Variants in RBFOX1 observed in about 807,000 individuals in gnomAD.
RBFOX1 encodes the protein RNA binding protein fox-1 homolog 1.
In RBFOX1, 8 loss-of-function variants were observed where a neutral mutation model predicts 57.7. That is an observed-to-expected ratio of 0.14 (90% confidence interval 0.08 to 0.25). The LOEUF is 0.25. Among genes scored for constraint, RBFOX1 ranks in the 10% least tolerant of loss-of-function variants. The pLI, the probability that RBFOX1 is intolerant of heterozygous loss-of-function variation, is 1.00. For missense variants in RBFOX1, 611 were observed against 548.5 expected, an observed-to-expected ratio of 1.11 and a Z score of -1.14; for synonymous variants, 326 against 222.4, an observed-to-expected ratio of 1.47 and a Z score of -4.15.
At chr16:5,840,980 T>C (rs564908787) in intron 3 of RBFOX1, among the ~76,000 whole-genome samples, 1 of 152,206 alleles carries the variant, frequency 6.6e-6, no homozygotes, top group Admixed American at 6.5e-5. Flanking sequence ...CTCCCAATAC[T>C]CCTACAACAG....
At chr16:6,134,695 TG>T (rs2096653694) in intron 1 of RBFOX1, among the ~76,000 whole-genome samples, 1 of 151,540 alleles carries the variant, frequency 6.6e-6, no homozygotes, top group Admixed American at 6.6e-5. Flanking sequence ...TTTTTTTTTT[TG>T]AAATGGAGTC....
Position 7,536,935 on chromosome 16 carries a change from A to G in RBFOX1, c.270+18546A>G, listed in dbSNP as rs2081608209. ...TTGGCATATTCCTGTGACAGGATGA[A>G]TATCAGTGTAGCTGTGTGGACGGGC... On this transcript the variant is annotated intron_variant, in intron 5 of 15. Coordinates refer to ENST00000550418, the MANE Select transcript of RBFOX1 (RefSeq NM_018723.4). 3.3e-5 allele frequency among the ~76,000 whole-genome samples: 5 copies of G among 152,236 alleles called. No individual in the cohort carries two copies. In the South Asian group the frequency reaches 1.0e-3, roughly 31 times the overall value.
intron 4 of RBFOX1, among the ~76,000 whole-genome samples, chr16:5,886,699 C>A (rs759554803): frequency 6.6e-6 from 1 of 152,128 alleles, no homozygotes; most frequent in Admixed American, 6.6e-5. Flanking sequence ...ACCAGCCTGG[C>A]CAATATGGGG....
intron 1 of RBFOX1, among the ~76,000 whole-genome samples, chr16:6,151,961 A>C (rs1174571553): frequency 6.6e-6 from 1 of 152,212 alleles, no homozygotes; most frequent in East Asian, 1.9e-4. Flanking sequence ...TAATATAGAC[A>C]ACTCAATAGC....
intron 2 of RBFOX1, among the ~76,000 whole-genome samples, chr16:6,539,134 A>AAC (rs60740923): frequency 2.3e-3 from 352 of 151,986 alleles, no homozygotes; most frequent in African/African-American, 8.1e-3. Context: ...GAAAAAAAAA[A>AAC]AGAAAATTTG....
At chr16:7,577,067 A>G (rs11643742) in intron 5 of RBFOX1, among the ~76,000 whole-genome samples, 1 of 152,056 alleles carries the variant, frequency 6.6e-6, no homozygotes, top group African/African-American at 2.4e-5. Flanking sequence ...TCAGTGTTAC[A>G]GTGTTGCTCT....
chr16:7,090,572 T>C (rs1464065918), intron 4 of RBFOX1, among the ~76,000 whole-genome samples: 4 of 152,356 alleles, frequency 2.6e-5, no homozygotes, highest in East Asian at 3.9e-4. Context: ...CTCAGATTTA[T>C]ACATTTTTTT....
At chr16:7,127,826 C>G (rs966581797) in intron 4 of RBFOX1, among the ~76,000 whole-genome samples, 1 of 152,158 alleles carries the variant, frequency 6.6e-6, no homozygotes, top group African/African-American at 2.4e-5. Flanking sequence ...GAGCAAAGGT[C>G]GTTTGCAAGC....
chr16:7,695,062 G>T (rs756800433), intron 14 of RBFOX1, among the ~76,000 whole-genome samples: 1 of 152,190 alleles, frequency 6.6e-6, no homozygotes, highest in Non-Finnish European at 1.5e-5. Context: ...GTTTGCATGC[G>T]TGTGGTGAGT....
intron 4 of RBFOX1, among the ~76,000 whole-genome samples, chr16:5,943,941 T>TTCCA (rs902519503): frequency 3.3e-4 from 49 of 150,540 alleles, no homozygotes; most frequent in East Asian, 7.8e-4. Context: ...TCCTTCTATT[T>TTCCA]TCCATCCATC....
chr16:6,941,300 C>CCTTCCT (rs1567990534), intron 3 of RBFOX1, among the ~76,000 whole-genome samples: 1,158 of 79,152 alleles, frequency 0.015, 21 homozygotes, highest in African/African-American at 0.018. Flanking sequence ...CCCTCCCTCC[C>CCTTCCT]TCCTTCCTTC....
At chr16:5,875,308 A>G (rs1358246605) in intron 4 of RBFOX1, among the ~76,000 whole-genome samples, 2 of 152,222 alleles carry the variant, frequency 1.3e-5, no homozygotes, top group African/African-American at 4.8e-5. Flanking sequence ...AGTGGGAGCC[A>G]TATCTGAACC....
intron 4 of RBFOX1, among the ~76,000 whole-genome samples, chr16:7,097,999 G>C (rs557863293): frequency 2.0e-5 from 3 of 152,080 alleles, no homozygotes; most frequent in Admixed American, 6.5e-5. Context: ...AAGAATCTTC[G>C]AGGGCATTTG....
chr16:7,197,453 A>AC lies in RBFOX1; in HGVS notation c.27+145355_27+145356insC, dbSNP rs1296412976. On this transcript the variant is annotated intron_variant, in intron 4 of 15. Coordinates refer to ENST00000550418, the MANE Select transcript of RBFOX1 (RefSeq NM_018723.4). ...AACCTGTGAGTGGAAAAAAAAAAAA[A>AC]AAAAAAAAACATCAAGCTGTGATAC... Among the ~76,000 whole-genome samples the AC allele has an allele frequency of 1.9e-3, 291 of 151,968 alleles. 1 individual carries two copies. Among genetic ancestry groups the AC allele is most frequent in the African/African-American group, 6.6e-3 (275 of 41,428 alleles).
At chr16:6,861,236 T>C (rs17141564) in intron 3 of RBFOX1, among the ~76,000 whole-genome samples, 13,572 of 152,190 alleles carry the variant, frequency 0.089, 675 homozygotes, top group South Asian at 0.12. Context: ...ATTTGCATGC[T>C]GAGTTTTTTG....
chr16:7,344,101 C>CTTTTTTTTT (rs61008217), intron 4 of RBFOX1, among the ~76,000 whole-genome samples: 3 of 90,608 alleles, frequency 3.3e-5, no homozygotes, highest in Non-Finnish European at 6.5e-5. Context: ...CTCAGCTTTA[C>CTTTTTTTTT]TTTTTTTTTT....
intron 2 of RBFOX1, among the ~76,000 whole-genome samples, chr16:6,320,690 A>G (rs929072797): frequency 2.0e-5 from 3 of 152,184 alleles, no homozygotes; most frequent in African/African-American, 7.2e-5. Flanking sequence ...ACCAGCAGCC[A>G]GACGGAGCAA....
intron 3 of RBFOX1, among the ~76,000 whole-genome samples, chr16:6,700,434 G>A (rs2154141168): frequency 6.6e-6 from 1 of 152,018 alleles, no homozygotes; most frequent in East Asian, 1.9e-4. Context: ...GAAGCAGGCG[G>A]ATCACCTGAG....
intron 2 of RBFOX1, among the ~76,000 whole-genome samples, chr16:5,556,710 A>G (rs528195330): frequency 3.9e-5 from 6 of 152,322 alleles, no homozygotes; most frequent in Non-Finnish European, 8.8e-5. Context: ...TGTTTTCTGA[A>G]GAATGTTCCT....
Sources: gnomAD v4.1 joint callset for allele counts (sites outside exome capture counted in the v4.1 genomes callset) on GRCh38, gnomAD v4.1.1 for gene constraint, MANE v1.5 for transcripts, NCBI Gene and HGNC (gene_info 2026-07-23, HGNC 2026-07-21) for gene names.